KIAA1958: variants seen among roughly 807,000 people sequenced by gnomAD.
The protein encoded by KIAA1958 is uncharacterized protein KIAA1958.
In KIAA1958, 14 loss-of-function variants were observed where a neutral mutation model predicts 47.2. The observed-to-expected ratio is 0.30, with a 90% CI of 0.20 to 0.46. The LOEUF is 0.46. KIAA1958 is among the 20% of genes least tolerant of loss of function. The pLI is 1.00. For synonymous variants in KIAA1958, 354 were observed against 353.3 expected, an observed-to-expected ratio of 1.00 and a Z score of -0.02; for missense variants, 803 against 909.2, an observed-to-expected ratio of 0.88 and a Z score of 1.50.
chr9:112,566,223 T>G (rs1415519105), intron 1 of KIAA1958, among the ~76,000 whole-genome samples: 2 of 152,058 alleles, frequency 1.3e-5, no homozygotes, highest in Non-Finnish European at 2.9e-5. Flanking sequence ...TTCTAAAGAT[T>G]AGTGAATATT....
intron 3 of KIAA1958, among the ~76,000 whole-genome samples, chr9:112,655,849 G>A (rs772248415): frequency 2.6e-5 from 4 of 152,132 alleles, no homozygotes; most frequent in Non-Finnish European, 4.4e-5. Flanking sequence ...GTAATCTCTG[G>A]AATTTTGAAA....
At position 112,665,702 on chromosome 9, in the gene KIAA1958, C is replaced by G. The variant is rs185385096; in HGVS notation, c.*5633C>G. On this transcript the variant is annotated 3_prime_UTR_variant, in exon 4 of 4. Coordinates refer to ENST00000337530, the MANE Select transcript of KIAA1958 (RefSeq NM_133465.4). ...ACTTAATCGATCCTGGAAAGCCTGGCGGTTCCCCAGTATTTTCTGCCTACT... is the reference window on the plus strand; with the variant it reads ...ACTTAATCGATCCTGGAAAGCCTGGGGGTTCCCCAGTATTTTCTGCCTACT... 6.6e-6 allele frequency: 1 copy of G among 152,156 alleles called. No individual in the cohort carries two copies. Among genetic ancestry groups the G allele is most frequent in the Non-Finnish European group, 1.5e-5 (1 of 68,030 alleles). 9.4% of individuals were successfully genotyped at this position (152,156 alleles called of 1,614,324 possible). A position where few individuals can be genotyped will look rare whatever the true frequency, so the allele number is the denominator to read the frequency against.
intron 3 of KIAA1958, among the ~76,000 whole-genome samples, chr9:112,657,612 CT>C (rs1388015737): frequency 4.0e-5 from 6 of 151,758 alleles, no homozygotes; most frequent in African/African-American, 1.5e-4. Context: ...TAATTAAGGG[CT>C]ATTAGAAGAA....
intron 3 of KIAA1958, among the ~76,000 whole-genome samples, chr9:112,655,779 C>T (rs1182257665): frequency 6.6e-6 from 1 of 152,130 alleles, no homozygotes; most frequent in East Asian, 1.9e-4. Flanking sequence ...AGTCGTGGTC[C>T]ACCTGGAGCA....
intron 1 of KIAA1958, 107 bp from the exon 2 acceptor site, chr9:112,573,950 C>T (rs912336466): frequency 1.5e-5 from 9 of 604,926 alleles, no homozygotes; most frequent in East Asian, 8.3e-5. Context: ...TTTTGAAGTG[C>T]GTTTTTTTTT....
At chr9:112,627,956 T>C (rs1220620899) in intron 2 of KIAA1958, among the ~76,000 whole-genome samples, 1 of 152,172 alleles carries the variant, frequency 6.6e-6, no homozygotes, top group Non-Finnish European at 1.5e-5. Context: ...GCCTCAGCAA[T>C]TCCAAACAAA....
Position 112,615,041 on chromosome 9 carries a change from C to G in KIAA1958, c.1172-30609C>G, listed in dbSNP as rs1836387387. 2.6e-5 allele frequency among the ~76,000 whole-genome samples: 4 copies of G among 152,274 alleles called. 1 individual carries two copies. The Middle Eastern group carries it at 0.01, about 388-fold the overall frequency. Reference sequence around the variant, plus strand: ...AGAACTTTGAATAGTCTTTACCACTCACTTTTAAATTGACACCCAAAGGTT... The same window carrying G: ...AGAACTTTGAATAGTCTTTACCACTGACTTTTAAATTGACACCCAAAGGTT... On this transcript the variant is annotated intron_variant, in intron 2 of 3. Coordinates refer to ENST00000337530, the MANE Select transcript of KIAA1958 (RefSeq NM_133465.4).
intron 2 of KIAA1958, among the ~76,000 whole-genome samples, chr9:112,606,915 G>C (rs1836245338): frequency 6.6e-6 from 1 of 152,184 alleles, no homozygotes; most frequent in Admixed American, 6.5e-5. Flanking sequence ...TGAGAACACA[G>C]AACAAAGATG....
chr9:112,530,002 C>A (rs1834726549), intron 1 of KIAA1958, among the ~76,000 whole-genome samples: 1 of 152,128 alleles, frequency 6.6e-6, no homozygotes, highest in African/African-American at 2.4e-5. Flanking sequence ...CGCCACCACG[C>A]CCAGCTAATT....
intron 1 of KIAA1958, among the ~76,000 whole-genome samples, chr9:112,518,957 C>T (rs1379082668): frequency 2.0e-5 from 3 of 151,908 alleles, no homozygotes; most frequent in Non-Finnish European, 4.4e-5. Context: ...GAGACAGGGT[C>T]TCAACTCTGT....
chr9:112,654,571 T>G (rs1204998255), intron 3 of KIAA1958, among the ~76,000 whole-genome samples: 2 of 152,066 alleles, frequency 1.3e-5, no homozygotes, highest in Non-Finnish European at 2.9e-5. Flanking sequence ...CCGCTCGTTC[T>G]GATATCCCTC....
chr9:112,567,714 T>G (rs546859972), intron 1 of KIAA1958, among the ~76,000 whole-genome samples: 2 of 152,110 alleles, frequency 1.3e-5, no homozygotes, highest in East Asian at 3.9e-4. Flanking sequence ...ATCCCAGCAC[T>G]TTGGGAGGCC....
At chr9:112,634,515 G>A (rs1386241111) in intron 2 of KIAA1958, among the ~76,000 whole-genome samples, 1 of 152,160 alleles carries the variant, frequency 6.6e-6, no homozygotes, top group Non-Finnish European at 1.5e-5. Context: ...ACAGGCGTGA[G>A]CCACCGCGAC....
At chr9:112,659,019 C>CA (rs560013892) in intron 3 of KIAA1958, among the ~76,000 whole-genome samples, 4,722 of 57,558 alleles carry the variant, frequency 0.082, 332 homozygotes, top group African/African-American at 0.12. Context: ...GACTCTGACT[C>CA]AAAAAAAAAA....
chr9:112,511,447 G>T (rs192455199), intron 1 of KIAA1958, among the ~76,000 whole-genome samples: 43 of 151,816 alleles, frequency 2.8e-4, no homozygotes, highest in Admixed American at 6.5e-4. Flanking sequence ...TTGTGTTGAA[G>T]CAAAAAAGGG....
In KIAA1958 at chr9:112,551,701, T is replaced by TACA. The variant is rs1348465381; in HGVS notation, c.-24-22356_-24-22355insACA. On this transcript the variant is annotated intron_variant, in intron 1 of 3. Coordinates refer to ENST00000337530, the MANE Select transcript of KIAA1958 (RefSeq NM_133465.4). ...AGAGAGGGATGTTTTTGCAGAAATG[T>TACA]CCCTTGGCTTCTCTAGTTTTCCCAG... is the stretch of plus-strand genomic sequence containing the variant. Among the ~76,000 whole-genome samples the TACA allele has an allele frequency of 5.9e-5, 9 of 152,286 alleles. 1 individual carries two copies. In the South Asian group the frequency reaches 1.5e-3, roughly 25 times the overall value.
chr9:112,558,648 G>A (rs10981439), intron 1 of KIAA1958, among the ~76,000 whole-genome samples: 99 of 152,212 alleles, frequency 6.5e-4, no homozygotes, highest in Non-Finnish European at 8.1e-4. Context: ...AATAAAAATA[G>A]GTTACTCACA....
intron 1 of KIAA1958, among the ~76,000 whole-genome samples, chr9:112,493,811 A>AT (rs1172590263): frequency 2.6e-5 from 4 of 151,926 alleles, no homozygotes; most frequent in Admixed American, 1.3e-4. Flanking sequence ...CTTGACTCAC[A>AT]TTTTTTTTCC....
At chr9:112,510,128 G>A (rs1383928247) in intron 1 of KIAA1958, among the ~76,000 whole-genome samples, 2 of 152,188 alleles carry the variant, frequency 1.3e-5, no homozygotes, top group African/African-American at 4.8e-5. Flanking sequence ...TATAAGTAAG[G>A]TAAGGGAGAA....
Sources: allele counts gnomAD v4.1 joint callset (sites outside exome capture counted in the v4.1 genomes callset), GRCh38; gene constraint gnomAD v4.1.1; transcripts MANE v1.5; gene names NCBI Gene and HGNC (gene_info 2026-07-23, HGNC 2026-07-21).